PRKCH: variants seen among roughly 807,000 people sequenced by gnomAD.
PRKCH encodes protein kinase C eta type.
Under a neutral mutation model 82.5 loss-of-function variants are expected in PRKCH, and 28 were observed. The observed-to-expected ratio is 0.34, with a 90% confidence interval of 0.25 to 0.47. PRKCH has a LOEUF of 0.47. Ranked by LOEUF, PRKCH falls within the 20% of genes least tolerant of loss-of-function variation. The pLI is 1.00. For synonymous variants in PRKCH, 322 were observed against 327.4 expected (o/e 0.98, Z 0.18); for missense variants, 705 against 881.8 (o/e 0.80, Z 2.54).
chr14:61,207,106 C>CAAAAAAAAAAAA lies in PRKCH; in HGVS notation c.-19+19455_-19+19466dup, dbSNP rs71114196. 1.8e-4 allele frequency among the ~76,000 whole-genome samples: 9 copies of CAAAAAAAAAAAA among 49,160 alleles called. 1 individual carries two copies. The East Asian group carries it at 5.2e-3, about 28-fold the overall frequency. The allele number at this position is 49,160 out of a possible 152,430, so 32.3% of individuals were successfully genotyped here. A position where few individuals can be genotyped will look rare whatever the true frequency, so the allele number is the denominator to read the frequency against. On this transcript the variant is annotated intron_variant, in intron 1 of 3. Transcript: ENST00000555185. ...GGGCAACCAGAGTGAAACTCCATCT[C>CAAAAAAAAAAAA]AAAAAAAAAAAAAAAAAAAAAAAAA...
chr14:61,524,304 A>G (rs1003466645), intron 10 of PRKCH, among the ~76,000 whole-genome samples: 1 of 152,258 alleles, frequency 6.6e-6, no homozygotes, highest in African/African-American at 2.4e-5. Context: ...AACCCTGATT[A>G]CCCAGCAAGA....
intron 10 of PRKCH, among the ~76,000 whole-genome samples, chr14:61,517,726 C>G (rs916720542): frequency 6.6e-6 from 1 of 152,218 alleles, no homozygotes; most frequent in African/African-American, 2.4e-5. Flanking sequence ...CTTGCCCATG[C>G]TTATTCTGTG....
intron 9 of PRKCH, among the ~76,000 whole-genome samples, chr14:61,460,095 C>A (rs980170721): frequency 1.7e-4 from 26 of 152,300 alleles, no homozygotes; most frequent in African/African-American, 5.8e-4. Context: ...AATCCACCCA[C>A]CTCAGTCACT....
At chr14:61,264,418 T>C (rs937421443) in intron 1 of PRKCH, among the ~76,000 whole-genome samples, 5 of 152,154 alleles carry the variant, frequency 3.3e-5, no homozygotes, top group South Asian at 2.1e-4. Flanking sequence ...CAGATTTAAT[T>C]GGGCAGCAGA....
intron 10 of PRKCH, among the ~76,000 whole-genome samples, chr14:61,497,063 G>C (rs573689775): frequency 6.6e-6 from 1 of 152,294 alleles, no homozygotes; most frequent in South Asian, 2.1e-4. Flanking sequence ...ATCTGTAGTA[G>C]TGATGCATTT....
intron 1 of PRKCH, among the ~76,000 whole-genome samples, chr14:61,225,826 C>T (rs570947495): frequency 6.6e-6 from 1 of 151,890 alleles, no homozygotes; most frequent in South Asian, 2.1e-4. Context: ...GCAACCTCTG[C>T]TTCGTAGGCT....
chr14:61,358,373 T>A (rs2046179145), intron 1 of PRKCH, among the ~76,000 whole-genome samples: 1 of 152,216 alleles, frequency 6.6e-6, no homozygotes, highest in Admixed American at 6.5e-5. Flanking sequence ...AATGCCATTT[T>A]CCTTTAGCTC....
At position 61,221,877 on chromosome 14, in the gene PRKCH, T is replaced by C. The variant is rs139381865; in HGVS notation, c.-19+34209T>C. On this transcript the variant is annotated intron_variant, in intron 1 of 3. Coordinates refer to the PRKCH transcript ENST00000555185. Reference sequence around the variant, plus strand: ...CAATGGGAGAAGGAAGGGTTTCAGGTGCATATTTCCCTAAGTGACTTTTTG... The same window carrying C: ...CAATGGGAGAAGGAAGGGTTTCAGGCGCATATTTCCCTAAGTGACTTTTTG... 3.3e-4 allele frequency among the ~76,000 whole-genome samples: 51 copies of C among 152,272 alleles called. No individual in the cohort carries two copies. The East Asian group carries it at 6.2e-3, about 18-fold the overall frequency.
At chr14:61,380,810 T>A (rs536241282) in intron 1 of PRKCH, among the ~76,000 whole-genome samples, 1 of 152,292 alleles carries the variant, frequency 6.6e-6, no homozygotes, top group East Asian at 1.9e-4. Flanking sequence ...GAAAAAATAG[T>A]TTTGACTGTT....
chr14:61,264,993 T>C (rs2045085018), intron 1 of PRKCH, among the ~76,000 whole-genome samples: 1 of 152,182 alleles, frequency 6.6e-6, no homozygotes, highest in Non-Finnish European at 1.5e-5. Flanking sequence ...CCACCCAGTG[T>C]TCCTTCCCTA....
intron 9 of PRKCH, among the ~76,000 whole-genome samples, chr14:61,467,410 A>G (rs1203164970): frequency 6.6e-6 from 1 of 152,166 alleles, no homozygotes; most frequent in Non-Finnish European, 1.5e-5. Context: ...GATGCTTCCC[A>G]GCGCCTCCAG....
At chr14:61,315,209 C>G (rs555406036) in intron 1 of PRKCH, among the ~76,000 whole-genome samples, 1 of 152,256 alleles carries the variant, frequency 6.6e-6, no homozygotes, top group African/African-American at 2.4e-5. Flanking sequence ...GCAAACCACT[C>G]TCTCCTGCTT....
intron 12 of PRKCH, among the ~76,000 whole-genome samples, chr14:61,538,848 C>T (rs879301159): frequency 6.6e-6 from 1 of 152,122 alleles, no homozygotes; most frequent in Non-Finnish European, 1.5e-5. Flanking sequence ...AATGCGCATC[C>T]AGGATAAAGA....
chr14:61,450,813 C>T (rs894471074), intron 5 of PRKCH, 29 bp from the exon 6 acceptor site: 4 of 1,607,478 alleles, frequency 2.5e-6, no homozygotes, highest in Non-Finnish European at 3.4e-6. Context: ...GACATTTTAG[C>T]TCTTGTCCCT....
intron 1 of PRKCH, among the ~76,000 whole-genome samples, chr14:61,225,117 C>G (rs979474090): frequency 6.6e-5 from 10 of 152,306 alleles, no homozygotes; most frequent in Admixed American, 6.5e-5. Context: ...GGACAATGCT[C>G]TCTCCATTAA....
chr14:61,478,261 T>G (rs1885819103), intron 9 of PRKCH, among the ~76,000 whole-genome samples: 1 of 152,168 alleles, frequency 6.6e-6, no homozygotes, highest in South Asian at 2.1e-4. Context: ...TTTGCAGAAG[T>G]GAGTTTTGTG....
chr14:61,411,627 C>T (rs1281726597), intron 2 of PRKCH, among the ~76,000 whole-genome samples: 1 of 152,116 alleles, frequency 6.6e-6, no homozygotes, highest in East Asian at 1.9e-4. Flanking sequence ...AAAAGAGTTT[C>T]CAAGCTATAG....
chr14:61,381,398 G>C (rs1378950753), intron 1 of PRKCH, among the ~76,000 whole-genome samples: 3 of 152,248 alleles, frequency 2.0e-5, no homozygotes, highest in Admixed American at 2.0e-4. Flanking sequence ...TTTTCTGGAA[G>C]TTTTTAATCT....
chr14:61,415,395 A>G (rs770200057), intron 2 of PRKCH, among the ~76,000 whole-genome samples: 8 of 152,214 alleles, frequency 5.3e-5, no homozygotes, highest in Non-Finnish European at 1.2e-4. Flanking sequence ...CAACTTTGAC[A>G]TTAAGTGATC....
Sources: allele counts gnomAD v4.1 joint callset (sites outside exome capture counted in the v4.1 genomes callset), GRCh38; gene constraint gnomAD v4.1.1; transcripts MANE v1.5; gene names NCBI Gene and HGNC (gene_info 2026-07-23, HGNC 2026-07-21).